Variants in LARP1B observed in about 807,000 individuals in gnomAD.
The protein encoded by LARP1B is La ribonucleoprotein 1B, also known as la-related protein 1B.
In LARP1B, 76 loss-of-function variants were observed where a neutral mutation model predicts 114.2. The observed-to-expected ratio is 0.67, with a 90% confidence interval of 0.55 to 0.81. The LOEUF (loss-of-function observed/expected upper bound fraction) is 0.81, where lower values mean the gene tolerates loss of function less well. LARP1B is among the 30% of genes least tolerant of loss of function. LARP1B has a pLI of 0.00. For synonymous variants in LARP1B, 345 were observed against 348.0 expected (o/e 0.99, Z 0.10); for missense variants, 1,014 against 1,075.8 (o/e 0.94, Z 0.80).
At chr4:128,107,659 G>A in intron 9 of LARP1B, 1 of 1,427,204 alleles carries the variant, frequency 7.0e-7, no homozygotes, top group Admixed American at 3.0e-5. Context: ...TTCTAAAAAG[G>A]TCTTATACTC....
At chr4:128,171,911 A>T in intron 12 of LARP1B, among the ~76,000 whole-genome samples, 1 of 151,684 alleles carries the variant, frequency 6.6e-6, no homozygotes, top group Non-Finnish European at 1.5e-5. Flanking sequence ...AGCTACTTTC[A>T]AGATTTTTTT....
At chr4:128,065,253 A>ATTTCTTTTTCTTTCTTTC (rs1341596258) in intron 1 of LARP1B, among the ~76,000 whole-genome samples, 3 of 89,544 alleles carry the variant, frequency 3.4e-5, no homozygotes, top group African/African-American at 1.2e-4. Context: ...CCCACAATTA[A>ATTTCTTTTTCTTTCTTTC]TTTCTTTCTT....
intron 1 of LARP1B, among the ~76,000 whole-genome samples, chr4:128,071,739 A>G (rs1249834833): frequency 6.6e-6 from 1 of 152,142 alleles, no homozygotes; most frequent in Non-Finnish European, 1.5e-5. Flanking sequence ...CACATTTTAA[A>G]AAGCACTAAT....
At chr4:128,132,127 G>A (rs1405168736) in intron 11 of LARP1B, among the ~76,000 whole-genome samples, 1 of 152,150 alleles carries the variant, frequency 6.6e-6, no homozygotes, top group Non-Finnish European at 1.5e-5. Context: ...GTTCATTTCA[G>A]CATTTCAAAA....
chr4:128,195,046 T>G (rs1377819498), intron 15 of LARP1B, among the ~76,000 whole-genome samples: 1 of 152,166 alleles, frequency 6.6e-6, no homozygotes, highest in Non-Finnish European at 1.5e-5. Flanking sequence ...ATTTTATTTT[T>G]TCTTTTTGTG....
chr4:128,212,752 G>A (rs1272667309), downstream of LARP1B, among the ~76,000 whole-genome samples: 2 of 152,058 alleles, frequency 1.3e-5, no homozygotes, highest in African/African-American at 4.8e-5. Context: ...ACTCCTAGAA[G>A]TTGGAACTCT....
chr4:128,077,455 C>G (rs1237660047), intron 3 of LARP1B, among the ~76,000 whole-genome samples: 9 of 151,872 alleles, frequency 5.9e-5, no homozygotes, highest in Admixed American at 5.9e-4. Flanking sequence ...GAGCCGAGAT[C>G]GTGCCACTGC....
chr4:128,077,370 A>G (rs1274094570), intron 3 of LARP1B, among the ~76,000 whole-genome samples: 1 of 151,822 alleles, frequency 6.6e-6, no homozygotes, highest in African/African-American at 2.4e-5. Context: ...GTGTGGTGAC[A>G]TGTGCCTGTA....
chr4:128,200,587 T>C lies in LARP1B; in HGVS notation c.2231T>C (p.Phe744Ser). The C allele has an allele frequency of 6.3e-7, 1 of 1,595,842 alleles. No individual in the cohort carries two copies. The highest frequency in any genetic ancestry group is 8.5e-7 in the Non-Finnish European group (1 of 1,171,136). Residue 744 changes from phenylalanine to serine, a missense_variant, in exon 17 of 20, where the codon TTC becomes TCC. Phe to Ser is a radical substitution (Grantham distance 155). Transcript: ENST00000326639. ...ACCCTCTTTCGTTTCTGGTCCTTTT[T>C]CCTCAGAGATCACTTCAATAAAAAA... is the stretch of plus-strand genomic sequence containing the variant. ...MNTLFRFWSFFLRDHFNKKMY... is the reference protein window; with the variant it reads ...MNTLFRFWSFSLRDHFNKKMY...
chr4:128,155,800 GA>G, intron 11 of LARP1B: 1 of 1,590,414 alleles, frequency 6.3e-7, no homozygotes, highest in South Asian at 1.1e-5. Context: ...GGCGGAGACT[GA>G]TAAACTGGAA....
intron 17 of LARP1B, among the ~76,000 whole-genome samples, chr4:128,201,611 C>CTT (rs1755969370): frequency 6.6e-6 from 1 of 152,206 alleles, no homozygotes; most frequent in Non-Finnish European, 1.5e-5. Flanking sequence ...TGTGCATGTT[C>CTT]TTAACTTTGC....
chr4:128,123,542 T>G, intron 11 of LARP1B: 1 of 453,332 alleles, frequency 2.2e-6, no homozygotes, highest in Non-Finnish European at 2.9e-6. Context: ...TTACTTACTT[T>G]TATTCTCTTG....
At chr4:128,080,040 A>G (rs1248109456) in intron 4 of LARP1B, among the ~76,000 whole-genome samples, 2 of 150,648 alleles carry the variant, frequency 1.3e-5, no homozygotes, top group Admixed American at 6.6e-5. Flanking sequence ...CTGGAGTGCA[A>G]TGGCGCGATC....
At chr4:128,180,788 G>A (rs1384156634) in intron 15 of LARP1B, among the ~76,000 whole-genome samples, 2 of 152,176 alleles carry the variant, frequency 1.3e-5, no homozygotes, top group African/African-American at 4.8e-5. Flanking sequence ...CATGATTGCT[G>A]GATTGTATAA....
At chr4:128,145,228 G>A (rs1372280138) in intron 11 of LARP1B, among the ~76,000 whole-genome samples, 2 of 152,080 alleles carry the variant, frequency 1.3e-5, no homozygotes, top group African/African-American at 4.8e-5. Context: ...GATCTTATGA[G>A]GTTTTATATT....
chr4:128,061,175 G>A (rs961996124), upstream of LARP1B: 1 of 152,178 alleles, frequency 6.6e-6, no homozygotes, highest in Non-Finnish European at 1.5e-5. Context: ...GCGGCACCCG[G>A]GCGGGCGAAT....
At chr4:128,136,912 T>TTAA (rs1159632857) in intron 11 of LARP1B, among the ~76,000 whole-genome samples, 3 of 152,090 alleles carry the variant, frequency 2.0e-5, no homozygotes, top group Admixed American at 2.0e-4. Context: ...AAGCTAGTGA[T>TTAA]TAATAATAAT....
chr4:128,192,844 T>A (rs935556050), intron 15 of LARP1B, among the ~76,000 whole-genome samples: 4 of 151,794 alleles, frequency 2.6e-5, no homozygotes, highest in Admixed American at 6.6e-5. Flanking sequence ...TTTTTTTTTT[T>A]AAATTAGAGA....
At chr4:128,082,916 AAC>A (rs1311856204) in intron 5 of LARP1B, among the ~76,000 whole-genome samples, 3 of 151,334 alleles carry the variant, frequency 2.0e-5, no homozygotes, top group African/African-American at 7.3e-5. Flanking sequence ...TCGGCAGATA[AAC>A]AAGTGAACAA....
Sources: gnomAD v4.1 joint callset for allele counts (sites outside exome capture counted in the v4.1 genomes callset) on GRCh38, gnomAD v4.1.1 for gene constraint, MANE v1.5 for transcripts, NCBI Gene and HGNC (gene_info 2026-07-23, HGNC 2026-07-21) for gene names.